ELP1: variants seen among roughly 807,000 people sequenced by gnomAD.
ELP1 encodes the protein elongator complex protein 1.
In ELP1, 131 loss-of-function variants were observed where a neutral mutation model predicts 183.2. That is an observed-to-expected ratio of 0.72 (90% CI 0.62 to 0.83). The LOEUF is 0.83. Ranked by LOEUF, ELP1 falls within the 40% of genes least tolerant of loss-of-function variation. The pLI is 0.00. For missense variants in ELP1, 1,550 were observed against 1,594.9 expected (o/e 0.97, Z 0.48); for synonymous variants, 555 against 569.0 (o/e 0.98, Z 0.35).
At chr9:108,892,660 A>G (rs1828386510) in intron 27 of ELP1, among the ~76,000 whole-genome samples, 1 of 152,226 alleles carries the variant, frequency 6.6e-6, no homozygotes, top group Non-Finnish European at 1.5e-5. Flanking sequence ...TGCTTTTTCA[A>G]GCAAACAAAA....
intron 18 of ELP1, among the ~76,000 whole-genome samples, chr9:108,901,074 G>A (rs1007915488): frequency 2.0e-5 from 3 of 152,066 alleles, no homozygotes; most frequent in African/African-American, 4.8e-5. Context: ...AGTGGAGGGT[G>A]GGCACAGTGG....
rs1460841987 is a variant in ELP1, at chr9:108,868,895, T to C, written c.*220A>G. ...TCATTCTCACAAAATGGTGCCATAATGGTTAAAGCTTAATGTCTTGCTAAT... is the reference window on the plus strand; with the variant it reads ...TCATTCTCACAAAATGGTGCCATAACGGTTAAAGCTTAATGTCTTGCTAAT... On this transcript the variant is annotated 3_prime_UTR_variant, in exon 37 of 37. Transcript: ENST00000374647. 6.6e-6 allele frequency: 4 copies of C among 610,104 alleles called. No homozygotes were observed. Among genetic ancestry groups the C allele is most frequent in the Non-Finnish European group, 1.2e-5 (4 of 341,104 alleles). 37.8% of individuals were successfully genotyped at this position (610,104 alleles called of 1,614,324 possible). A position where few individuals can be genotyped will look rare whatever the true frequency, so the allele number is the denominator to read the frequency against.
intron 27 of ELP1, among the ~76,000 whole-genome samples, chr9:108,892,022 T>C (rs1221363726): frequency 3.9e-5 from 6 of 152,108 alleles, no homozygotes; most frequent in Non-Finnish European, 8.8e-5. Context: ...ACTGGCCAAA[T>C]CCTCGATTCT....
rs1007495788 is a variant in ELP1, at chr9:108,867,549, T to C, written c.*1566A>G. The C allele has an allele frequency of 2.6e-5, 4 of 152,206 alleles. No homozygotes were observed. The highest frequency in any genetic ancestry group is 4.4e-5 in the Non-Finnish European group (3 of 68,040). 9.4% of individuals were successfully genotyped at this position (152,206 alleles called of 1,614,324 possible). Reference sequence around the variant, plus strand: ...TAAACACATTTACTTCTATTTCCAGTCTATCAGCATGGGTCCCTTTACAGT... The same window carrying C: ...TAAACACATTTACTTCTATTTCCAGCCTATCAGCATGGGTCCCTTTACAGT... On this transcript the variant is annotated 3_prime_UTR_variant, in exon 37 of 37. Transcript: ENST00000374647.
In ELP1 at chr9:108,910,994, A is replaced by G; in HGVS notation, c.1360+16T>C. ...GACTTGATTCAGAACATCTTGGCAA[A>G]AGTTTTATAACATACCACATTTATA... is the stretch of plus-strand genomic sequence containing the variant. On this transcript the variant is annotated intron_variant, in intron 12 of 36. Coordinates refer to ENST00000374647, the MANE Select transcript of ELP1 (RefSeq NM_003640.5). 6.2e-7 allele frequency: 1 copy of G among 1,613,124 alleles called. No individual in the cohort carries two copies. The highest frequency in any genetic ancestry group is 1.1e-5 in the South Asian group (1 of 91,052).
At chr9:108,872,856 TGTG>T (rs1284688594) in intron 36 of ELP1, among the ~76,000 whole-genome samples, 1 of 137,590 alleles carries the variant, frequency 7.3e-6, no homozygotes, top group Non-Finnish European at 1.5e-5. Context: ...ACAAAAATAA[TGTG>T]CTCTATCTCA....
At chr9:108,897,396 A>C in intron 22 of ELP1, 111 bp from the exon 23 acceptor site, 1 of 1,095,624 alleles carries the variant, frequency 9.1e-7, no homozygotes, top group Admixed American at 1.8e-5. Flanking sequence ...GACTTTTGGA[A>C]AAGAGTTGAA....
chr9:108,896,416 C>T, intron 25 of ELP1, 80 bp downstream of exon 25: 1 of 1,340,760 alleles, frequency 7.5e-7, no homozygotes, highest in South Asian at 1.2e-5. Context: ...AGAAAAGCTA[C>T]TGCACTACCA....
intron 10 of ELP1, among the ~76,000 whole-genome samples, chr9:108,915,981 C>T (rs1375884203): frequency 2.0e-5 from 3 of 151,836 alleles, no homozygotes; most frequent in African/African-American, 7.3e-5. Context: ...TACTGAGGGA[C>T]GAATTATATA....
Position 108,926,614 on chromosome 9 carries a change from CACAA to C in ELP1, c.386-15_386-12del. On this transcript the variant is annotated splice_polypyrimidine_tract_variant and intron_variant, in intron 4 of 36. Coordinates refer to ENST00000374647, the MANE Select transcript of ELP1 (RefSeq NM_003640.5). ...TCAGGGTCTGTTGACCTTAGAGAAA[CACAA>C]ACAAAAATGATTTTGTTTTCATGTA... 2 of 1,607,368 alleles carry C rather than the reference CACAA, an allele frequency of 1.2e-6. No homozygotes were observed. Among genetic ancestry groups the C allele is most frequent in the Non-Finnish European group, 1.7e-6 (2 of 1,176,420 alleles).
At chr9:108,931,238 AC>A in intron 1 of ELP1, 37 bp from the exon 2 acceptor site, 2 of 1,210,616 alleles carry the variant, frequency 1.7e-6, no homozygotes, top group Non-Finnish European at 2.4e-6. Context: ...GTGATAAATG[AC>A]CATATTTATT....
rs1349687127 is a variant in ELP1, at chr9:108,917,621, C to G, written c.790G>C (p.Asp264His). Residue 264 changes from aspartate (D) to histidine (H), a missense_variant, in exon 9 of 37, where the codon GAT becomes CAT. Asp to His is a moderately conservative substitution (Grantham distance 81). Coordinates refer to ENST00000374647, the MANE Select transcript of ELP1 (RefSeq NM_003640.5). The part of the protein sequence containing the change: ...ASTQDKPNQQ[D>H]IVFFEKNGLL... ...CCATTTTTCTCAAAAAACACAATAT[C>G]CTGCTGGTTGGGTTTATCTTGTGTA... The G allele has an allele frequency of 6.2e-7, 1 of 1,613,958 alleles. No homozygotes were observed.
At chr9:108,904,741 T>G (rs2859751) in intron 14 of ELP1, among the ~76,000 whole-genome samples, 10,538 of 152,242 alleles carry the variant, frequency 0.069, 466 homozygotes, top group African/African-American at 0.11. Flanking sequence ...TTTACAGAGG[T>G]ATTATGAGAA....
chr9:108,872,804 GAAAAAAAAAAAA>G (rs58139943), intron 36 of ELP1, among the ~76,000 whole-genome samples: 2,039 of 83,076 alleles, frequency 0.025, 32 homozygotes, highest in African/African-American at 0.11. Flanking sequence ...GACTCTGTCT[GAAAAAAAAAAAA>G]AAAAAAAAAA....
intron 1 of ELP1, among the ~76,000 whole-genome samples, chr9:108,933,482 G>A (rs1398627279): frequency 2.0e-5 from 3 of 152,162 alleles, no homozygotes; most frequent in South Asian, 2.1e-4. Context: ...AAGCACAGAG[G>A]ACACCACCTC....
rs1830090542 is a variant in ELP1 at position 108,933,946 on chromosome 9, C to T, written c.-138G>A. On this transcript the variant is annotated 5_prime_UTR_variant, in exon 1 of 37. Transcript: ENST00000374647. ...GCTACCCAGAGTCAGCTCCCACAGT[C>T]CGCACCCAGAGTCGGCTCCGAATTG... 2 of 159,268 alleles carry T rather than the reference C, an allele frequency of 1.3e-5. No individual in the cohort carries two copies. The highest frequency in any genetic ancestry group is 1.3e-4 in the Admixed American group (2 of 15,304). 9.9% of individuals were successfully genotyped at this position (159,268 alleles called of 1,614,324 possible). A position where few individuals can be genotyped will look rare whatever the true frequency, so the allele number is the denominator to read the frequency against.
At chr9:108,914,840 T>A (rs1772042) in intron 10 of ELP1, among the ~76,000 whole-genome samples, 5 of 151,830 alleles carry the variant, frequency 3.3e-5, no homozygotes, top group Non-Finnish European at 5.9e-5. Flanking sequence ...TTAGCCAGGA[T>A]GGTCTCGATC....
At chr9:108,882,442 A>G (rs1827966187) in intron 29 of ELP1, among the ~76,000 whole-genome samples, 1 of 152,042 alleles carries the variant, frequency 6.6e-6, no homozygotes, top group African/African-American at 2.4e-5. Context: ...GGACATCAAA[A>G]CCACCAGAAA....
intron 35 of ELP1, chr9:108,875,715 C>T: frequency 2.3e-6 from 1 of 425,816 alleles, no homozygotes. Context: ...GGCAACACAG[C>T]AAGACTCCCT....
Sources: gnomAD v4.1 joint callset for allele counts (sites outside exome capture counted in the v4.1 genomes callset) on GRCh38, gnomAD v4.1.1 for gene constraint, MANE v1.5 for transcripts, NCBI Gene and HGNC (gene_info 2026-07-23, HGNC 2026-07-21) for gene names.